The following TNS3 variants were observed in gnomAD, a reference collection of about 807,000 sequenced individuals.
TNS3 encodes tensin-3.
TNS3 carries 45 observed loss-of-function variants against 140.9 expected under a neutral mutation model. The ratio of observed to expected loss-of-function variants is 0.32; its 90% confidence interval spans 0.25 to 0.41. The LOEUF (loss-of-function observed/expected upper bound fraction) is 0.41, where lower values mean the gene tolerates loss of function less well. Among genes scored for constraint, TNS3 ranks in the 10% least tolerant of loss-of-function variants. The pLI, the probability that TNS3 is intolerant of heterozygous loss-of-function variation, is 1.00. For synonymous variants in TNS3, 815 were observed against 788.4 expected (o/e 1.03, Z -0.56); for missense variants, 1,716 against 1,906.7 (o/e 0.90, Z 1.86).
intron 20 of TNS3, among the ~76,000 whole-genome samples, chr7:47,336,003 G>A (rs1296476764): frequency 6.6e-6 from 1 of 152,062 alleles, no homozygotes; most frequent in Non-Finnish European, 1.5e-5. Context: ...GAGATGCTTC[G>A]GACAGCAGTT....
intron 20 of TNS3, among the ~76,000 whole-genome samples, chr7:47,315,333 G>C (rs6964772): frequency 2.6e-5 from 4 of 152,108 alleles, no homozygotes; most frequent in Non-Finnish European, 4.4e-5. Flanking sequence ...TGAGGTGGCC[G>C]GGAAGGCTGC....
intron 3 of TNS3, among the ~76,000 whole-genome samples, chr7:47,497,356 T>C (rs1358012859): frequency 6.6e-6 from 1 of 152,110 alleles, no homozygotes; most frequent in Non-Finnish European, 1.5e-5. Flanking sequence ...AGAGCACTCC[T>C]GCAGAAGCCA....
chr7:47,380,825 C>A (rs1276409348), intron 16 of TNS3, among the ~76,000 whole-genome samples: 2 of 152,126 alleles, frequency 1.3e-5, no homozygotes, highest in African/African-American at 2.4e-5. Context: ...AACAGCCCAG[C>A]GGCTCTCTCA....
intron 17 of TNS3, among the ~76,000 whole-genome samples, chr7:47,347,586 C>T (rs528943348): frequency 1.3e-5 from 2 of 152,104 alleles, no homozygotes; most frequent in East Asian, 3.9e-4. Context: ...TAAGGAGGCT[C>T]CTGGGCTGAG....
At chr7:47,447,421 A>G (rs1368283048) in intron 4 of TNS3, among the ~76,000 whole-genome samples, 2 of 152,156 alleles carry the variant, frequency 1.3e-5, no homozygotes, top group South Asian at 4.1e-4. Flanking sequence ...GCCTTATGGC[A>G]AAGCACACAG....
intron 3 of TNS3, among the ~76,000 whole-genome samples, chr7:47,486,251 CGTGT>C (rs1206985383): frequency 4.6e-5 from 7 of 151,712 alleles, no homozygotes; most frequent in Admixed American, 2.0e-4. Context: ...GGGGTGTGAG[CGTGT>C]GTGCTTGTGA....
chr7:47,340,113 A>AT (rs1286394187), intron 20 of TNS3, among the ~76,000 whole-genome samples: 493 of 42,002 alleles, frequency 0.012, 14 homozygotes, highest in East Asian at 0.018. Flanking sequence ...ATATATATAT[A>AT]TATTTTTTTT....
At chr7:47,393,135 A>G (rs539750285) in intron 16 of TNS3, among the ~76,000 whole-genome samples, 32 of 152,328 alleles carry the variant, frequency 2.1e-4, no homozygotes, top group African/African-American at 7.5e-4. Flanking sequence ...TCCTACTATG[A>G]GAAATTACAT....
intron 4 of TNS3, among the ~76,000 whole-genome samples, chr7:47,472,853 G>A (rs772432025): frequency 6.6e-6 from 1 of 152,224 alleles, no homozygotes; most frequent in Non-Finnish European, 1.5e-5. Context: ...GCAGGACCCT[G>A]AGCCGTTGTT....
intron 15 of TNS3, among the ~76,000 whole-genome samples, chr7:47,399,031 T>C (rs1169389382): frequency 7.5e-6 from 1 of 133,402 alleles, no homozygotes; most frequent in Non-Finnish European, 1.5e-5. Context: ...ACACCAACAA[T>C]GACCAAACTG....
Position 47,350,368 on chromosome 7 carries a change from G to A in TNS3, c.2282-4012C>T, listed in dbSNP as rs181476108. Among the ~76,000 whole-genome samples the A allele has an allele frequency of 3.0e-3, 459 of 152,328 alleles. 2 individuals carry two copies. The highest frequency in any genetic ancestry group is 0.011 in the African/African-American group (443 of 41,574). ...AATGGTTTATTCTTCCCAGTCTTAG[G>A]AAATCTGCCAAGTGTCTAAGTAAAT... is the stretch of plus-strand genomic sequence containing the variant. On this transcript the variant is annotated intron_variant, in intron 17 of 30. Transcript: ENST00000311160.
At chr7:47,441,945 G>A in intron 5 of TNS3, 58 bp downstream of exon 5, 1 of 1,216,068 alleles carries the variant, frequency 8.2e-7, no homozygotes. Flanking sequence ...AGTTTCCTCT[G>A]TAGAGAGCTG....
intron 1 of TNS3, among the ~76,000 whole-genome samples, chr7:47,573,586 G>A (rs1432123964): frequency 4.0e-5 from 6 of 151,776 alleles, no homozygotes; most frequent in Non-Finnish European, 8.8e-5. Context: ...CCTCCATCGC[G>A]ACGGGTCCTT....
chr7:47,529,352 C>T (rs1277319433), intron 1 of TNS3, among the ~76,000 whole-genome samples: 1 of 152,174 alleles, frequency 6.6e-6, no homozygotes, highest in African/African-American at 2.4e-5. Flanking sequence ...ATTCCCAATT[C>T]CAGAGTCCTA....
At chr7:47,524,588 G>T (rs1799110442) in intron 2 of TNS3, among the ~76,000 whole-genome samples, 1 of 150,848 alleles carries the variant, frequency 6.6e-6, no homozygotes, top group Middle Eastern at 3.4e-3. Flanking sequence ...GGATCATGAG[G>T]TCAGGAGATC....
At position 47,430,358 on chromosome 7, in the gene TNS3, G is replaced by A. The variant is rs145003479; in HGVS notation, c.325-1982C>T. ...TTAGTCAGGCTGATCTCGAACTCCC[G>A]ATGTCAGGTGATCCCCCCGCCTCGG... On this transcript the variant is annotated intron_variant, in intron 8 of 30. Transcript: ENST00000311160. 7.4e-3 allele frequency among the ~76,000 whole-genome samples: 1,127 copies of A among 152,028 alleles called. 21 individuals carry two copies. Among genetic ancestry groups the A allele is most frequent in the African/African-American group, 0.025 (1,040 of 41,484 alleles).
rs777385057 is a variant in TNS3, at chr7:47,293,793, A to G, written c.3712T>C (p.Leu1238=). 6.2e-7 allele frequency: 1 copy of G among 1,614,246 alleles called. No homozygotes were observed. The highest frequency in any genetic ancestry group is 1.1e-5 in the South Asian group (1 of 91,086). The part of the protein sequence containing the change: ...DLANELVRHF[L]IECTPKGVRL... ...ACTCCCTTCGGGGTACACTCGATCA[A>G]AAAGTGCCGGACGAGTTCATTGGCC... The change falls in exon 25 of 31, where the codon TTG becomes CTG. Residue 1238 remains leucine (L), a synonymous_variant. Transcript: ENST00000311160.
In TNS3 at chr7:47,344,988, A is replaced by T; in HGVS notation, c.2502T>A (p.Ile834=). The T allele has an allele frequency of 3.1e-6, 5 of 1,614,178 alleles. No homozygotes were observed. Among genetic ancestry groups the T allele is most frequent in the Non-Finnish European group, 4.2e-6 (5 of 1,180,034 alleles). Reference sequence around the variant, plus strand: ...AACACATGGACTCCTTGCTACTTAAAATTCTGCCATCGATAATATCGAGGT... The same window carrying T: ...AACACATGGACTCCTTGCTACTTAATATTCTGCCATCGATAATATCGAGGT... ...PQDLDIIDGR[I]LSSKESMCST... The change falls in exon 19 of 31, where the codon ATT becomes ATA. Residue 834 remains isoleucine, a synonymous_variant. Coordinates refer to ENST00000311160, the MANE Select transcript of TNS3 (RefSeq NM_022748.12).
At chr7:47,362,957 C>T (rs1790439563) in intron 17 of TNS3, among the ~76,000 whole-genome samples, 7 of 4,722 alleles carry the variant, frequency 1.5e-3, no homozygotes, top group African/African-American at 2.2e-3. Flanking sequence ...AACATCACCA[C>T]CATCATCAGA....
Sources: gnomAD v4.1 joint callset for allele counts (sites outside exome capture counted in the v4.1 genomes callset) on GRCh38, gnomAD v4.1.1 for gene constraint, MANE v1.5 for transcripts, NCBI Gene and HGNC (gene_info 2026-07-23, HGNC 2026-07-21) for gene names.